ATRNL1: variants seen among roughly 807,000 people sequenced by gnomAD.
ATRNL1 encodes the protein attractin like 1, also known as attractin-like protein 1.
A neutral mutation model predicts 182.7 loss-of-function variants in ATRNL1; 95 were observed. The observed-to-expected ratio is 0.52, with a 90% CI of 0.44 to 0.62. ATRNL1 has a LOEUF of 0.62. Ranked by LOEUF, ATRNL1 falls within the 20% of genes least tolerant of loss-of-function variation. The pLI, the probability that ATRNL1 is intolerant of heterozygous loss-of-function variation, is 0.00. For missense variants in ATRNL1, 1,471 were observed against 1,679.5 expected (o/e 0.88, Z 2.17); for synonymous variants, 576 against 568.3 (o/e 1.01, Z -0.19).
intron 25 of ATRNL1, among the ~76,000 whole-genome samples, chr10:115,535,666 T>A (rs1851937388): frequency 6.6e-6 from 1 of 152,206 alleles, no homozygotes; most frequent in African/African-American, 2.4e-5. Flanking sequence ...TGCGTTCGTT[T>A]GGAGGAGGGG....
chr10:115,712,443 C>A (rs1310648918), intron 26 of ATRNL1, among the ~76,000 whole-genome samples: 2 of 152,148 alleles, frequency 1.3e-5, no homozygotes, highest in African/African-American at 4.8e-5. Context: ...TACTATTGGT[C>A]TATAAAAGTT....
intron 24 of ATRNL1, among the ~76,000 whole-genome samples, chr10:115,507,697 G>A (rs1850183879): frequency 6.6e-6 from 1 of 152,092 alleles, no homozygotes; most frequent in Admixed American, 6.6e-5. Flanking sequence ...TTAGCACAGT[G>A]CCTGGGAAAT....
chr10:115,795,522 C>G (rs1949630996), intron 27 of ATRNL1, among the ~76,000 whole-genome samples: 2 of 152,216 alleles, frequency 1.3e-5, no homozygotes, highest in Non-Finnish European at 1.5e-5. Context: ...TAAAGACATA[C>G]CTGAGACTGC....
chr10:115,378,245 A>G (rs1857789186), intron 19 of ATRNL1, among the ~76,000 whole-genome samples: 1 of 152,150 alleles, frequency 6.6e-6, no homozygotes, highest in Non-Finnish European at 1.5e-5. Flanking sequence ...CTGTTTCAAG[A>G]TCCACAGTGG....
At chr10:115,660,575 G>A (rs1219350467) in intron 26 of ATRNL1, among the ~76,000 whole-genome samples, 1 of 152,024 alleles carries the variant, frequency 6.6e-6, no homozygotes, top group Non-Finnish European at 1.5e-5. Context: ...TCTAAGGCAA[G>A]GATATTTTAA....
At position 115,672,610 on chromosome 10, in the gene ATRNL1, G is replaced by C. The variant is rs541141128; in HGVS notation, c.3796-54638G>C. ...GAATGTTGAGAAGTTAAGAATATAG[G>C]CTTCTTAGATTTCGATTTTCAAAGT... On this transcript the variant is annotated intron_variant, in intron 26 of 28. Coordinates refer to ENST00000355044, the MANE Select transcript of ATRNL1 (RefSeq NM_207303.4). Among the ~76,000 whole-genome samples, 10 of 152,102 alleles carry C rather than the reference G, an allele frequency of 6.6e-5. No homozygotes were observed. The East Asian group carries it at 1.9e-3, about 29-fold the overall frequency.
rs67676674 is a variant in ATRNL1 at position 115,868,822 on chromosome 10, CTTTTTTTTTT to C, written c.4018+20847_4018+20856del. On this transcript the variant is annotated intron_variant, in intron 28 of 28. Transcript: ENST00000355044. ...ATATATCTGGTGGCAAGTCTTTATT[CTTTTTTTTTT>C]TTTTTTTTTTTTTTTGAGACGGAGT... Among the ~76,000 whole-genome samples the C allele has an allele frequency of 9.0e-3, 525 of 58,140 alleles. 10 individuals are homozygous for C. Among genetic ancestry groups the C allele is most frequent in the African/African-American group, 0.03 (498 of 16,690 alleles). The allele number at this position is 58,140 out of a possible 152,430, so 38.1% of individuals were successfully genotyped here.
At chr10:115,723,424 A>G (rs917364768) in intron 26 of ATRNL1, among the ~76,000 whole-genome samples, 50 of 152,148 alleles carry the variant, frequency 3.3e-4, no homozygotes, top group African/African-American at 1.2e-3. Context: ...GGGGAATGAT[A>G]CCGTATTTGA....
chr10:115,714,544 A>G (rs1411346457), intron 26 of ATRNL1, among the ~76,000 whole-genome samples: 1 of 152,128 alleles, frequency 6.6e-6, no homozygotes, highest in Non-Finnish European at 1.5e-5. Flanking sequence ...GGCTATCTCA[A>G]TGATATTATG....
intron 25 of ATRNL1, among the ~76,000 whole-genome samples, chr10:115,523,446 C>T (rs936871250): frequency 2.0e-5 from 3 of 152,218 alleles, no homozygotes; most frequent in Non-Finnish European, 4.4e-5. Context: ...AACACTCTTT[C>T]CTTCTCTGCC....
At chr10:115,615,885 C>A (rs927346413) in intron 26 of ATRNL1, among the ~76,000 whole-genome samples, 2 of 151,874 alleles carry the variant, frequency 1.3e-5, no homozygotes, top group African/African-American at 2.4e-5. Flanking sequence ...TATAGCAATG[C>A]GAGAATGGAC....
rs7098886 is a variant in ATRNL1 at position 115,493,295 on chromosome 10, T to C, written c.3654+23966T>C. Among the ~76,000 whole-genome samples, 493 of 152,242 alleles carry C rather than the reference T, an allele frequency of 3.2e-3. 3 individuals carry two copies. The highest frequency in any genetic ancestry group is 0.011 in the African/African-American group (465 of 41,538). ...CTCCATCCTCAGATAGGCCCTTGTG[T>C]ATATTGTTCCCTTCTTCATGTCTAT... On this transcript the variant is annotated intron_variant, in intron 24 of 28. Transcript: ENST00000355044.
At chr10:115,135,528 A>G (rs552416551) in intron 5 of ATRNL1, among the ~76,000 whole-genome samples, 1 of 152,338 alleles carries the variant, frequency 6.6e-6, no homozygotes, top group African/African-American at 2.4e-5. Context: ...GCTCAACGAA[A>G]TAAAAGAGGA....
chr10:115,167,408 T>C (rs1554884649), intron 7 of ATRNL1, among the ~76,000 whole-genome samples: 1 of 152,060 alleles, frequency 6.6e-6, no homozygotes, highest in East Asian at 1.9e-4. Context: ...TATATGAATT[T>C]TAGGATTAAG....
chr10:115,111,562 G>A (rs922839622), intron 1 of ATRNL1, among the ~76,000 whole-genome samples: 1 of 152,036 alleles, frequency 6.6e-6, no homozygotes, highest in Admixed American at 6.6e-5. Flanking sequence ...GAGCGGCCAG[G>A]CCCTTTTTCA....
chr10:115,934,773 G>C (rs949510937), intron 28 of ATRNL1, among the ~76,000 whole-genome samples: 1 of 151,996 alleles, frequency 6.6e-6, no homozygotes, highest in Non-Finnish European at 1.5e-5. Flanking sequence ...TCCTTCCATG[G>C]CTCTTTCTGC....
rs555063446 is a variant in ATRNL1 at position 115,663,379 on chromosome 10, G to C, written c.3796-63869G>C. Among the ~76,000 whole-genome samples the C allele has an allele frequency of 1.8e-4, 28 of 152,030 alleles. 1 individual carries two copies. The highest frequency in any genetic ancestry group is 6.5e-4 in the African/African-American group (27 of 41,484). The stretch of plus-strand genomic sequence containing the variant: ...TTACTATACTTTAAATGTAATATTT[G>C]TGCATACATAATATAATAGGCTATA... On this transcript the variant is annotated intron_variant, in intron 26 of 28. Coordinates refer to ENST00000355044, the MANE Select transcript of ATRNL1 (RefSeq NM_207303.4).
At chr10:115,754,896 G>A (rs1237853522) in intron 27 of ATRNL1, among the ~76,000 whole-genome samples, 1 of 152,116 alleles carries the variant, frequency 6.6e-6, no homozygotes, top group Non-Finnish European at 1.5e-5. Context: ...TTTCTTGAAA[G>A]TTGTTTTCCT....
intron 17 of ATRNL1, among the ~76,000 whole-genome samples, chr10:115,306,789 T>TTTAC (rs201326324): frequency 0.012 from 1,782 of 152,294 alleles, 32 homozygotes; most frequent in African/African-American, 0.039. Flanking sequence ...TTTATAATCC[T>TTTAC]TTGAGACTTT....
Sources: allele counts gnomAD v4.1 joint callset (sites outside exome capture counted in the v4.1 genomes callset), GRCh38; gene constraint gnomAD v4.1.1; transcripts MANE v1.5; gene names NCBI Gene and HGNC (gene_info 2026-07-23, HGNC 2026-07-21).